TLL2: variants seen among roughly 807,000 people sequenced by gnomAD.
The protein encoded by TLL2 is tolloid-like protein 2.
In TLL2, 106 loss-of-function variants were observed where a neutral mutation model predicts 123.0. The ratio of observed to expected loss-of-function variants is 0.86; its 90% confidence interval spans 0.74 to 1.01. The LOEUF (loss-of-function observed/expected upper bound fraction) is 1.01, where lower values mean the gene tolerates loss of function less well. TLL2 is among the 50% of genes least tolerant of loss of function. The probability of loss-of-function intolerance (pLI) is 0.00; values close to 1 mark genes in which losing one functional copy is unlikely to be tolerated. For synonymous variants in TLL2, 494 were observed against 516.8 expected, an observed-to-expected ratio of 0.96 and a Z score of 0.60; for missense variants, 1,332 against 1,336.7, an observed-to-expected ratio of 1.00 and a Z score of 0.06.
intron 13 of TLL2, among the ~76,000 whole-genome samples, chr10:96,393,605 T>G (rs1846309770): frequency 6.6e-6 from 1 of 152,224 alleles, no homozygotes; most frequent in Non-Finnish European, 1.5e-5. Flanking sequence ...ATGTGCAGGC[T>G]GGGCCAGGGT....
chr10:96,390,074 G>C (rs1250816148), intron 13 of TLL2, among the ~76,000 whole-genome samples: 1 of 152,282 alleles, frequency 6.6e-6, no homozygotes, highest in Non-Finnish European at 1.5e-5. Context: ...AAATCTGGGA[G>C]AGCGTGGCAG....
chr10:96,371,275 T>G (rs1846081335), intron 19 of TLL2, among the ~76,000 whole-genome samples: 1 of 151,138 alleles, frequency 6.6e-6, no homozygotes, highest in African/African-American at 2.4e-5. Flanking sequence ...GAACTGAGAT[T>G]GTGCCACGGC....
In TLL2 at chr10:96,373,769, GC is replaced by G; in HGVS notation, c.2488del (p.Ala830ProfsTer64). ...EFEIEQHQECAYDHLEMYDGP... is the reference protein window; with the variant it reads ...EFEIEQHQECXYDHLEMYDGP... ...GTCATACATTTCCAGGTGGTCATAG[GC>G]ACATTCCTGGTGCTGCTCGATCTCA... On this transcript the variant is annotated frameshift_variant, in exon 19 of 21. Coordinates refer to ENST00000357947, the MANE Select transcript of TLL2 (RefSeq NM_012465.4). LOFTEE classifies it high-confidence loss of function. 6.2e-7 allele frequency: 1 copy of G among 1,614,210 alleles called. No individual in the cohort carries two copies.
chr10:96,451,367 C>T (rs1172522088), intron 2 of TLL2, among the ~76,000 whole-genome samples: 1 of 152,146 alleles, frequency 6.6e-6, no homozygotes, highest in African/African-American at 2.4e-5. Flanking sequence ...CGCCCCTCCA[C>T]CATAATTAAT....
At chr10:96,457,916 G>T (rs147232421) in intron 2 of TLL2, among the ~76,000 whole-genome samples, 31 of 152,326 alleles carry the variant, frequency 2.0e-4, no homozygotes, top group African/African-American at 6.5e-4. Flanking sequence ...CATCGGCAAT[G>T]ATCTCATTTA....
intron 10 of TLL2, among the ~76,000 whole-genome samples, chr10:96,399,325 T>C (rs1003713155): frequency 1.3e-5 from 2 of 152,204 alleles, no homozygotes; most frequent in Non-Finnish European, 2.9e-5. Flanking sequence ...ACGGGTACTC[T>C]TACTGCCAGT....
chr10:96,489,454 G>A (rs1350859254), intron 1 of TLL2, among the ~76,000 whole-genome samples: 2 of 151,960 alleles, frequency 1.3e-5, no homozygotes, highest in Middle Eastern at 3.4e-3. Flanking sequence ...ACTTGAATCC[G>A]GGAGGTTGAG....
intron 1 of TLL2, among the ~76,000 whole-genome samples, chr10:96,508,710 A>G (rs1472607431): frequency 1.3e-5 from 2 of 151,796 alleles, no homozygotes; most frequent in Non-Finnish European, 1.5e-5. Flanking sequence ...CCTCTGCCAC[A>G]TGTCTCCCCA....
chr10:96,421,054 C>A lies in TLL2; in HGVS notation c.825G>T (p.Glu275Asp). 2 of 1,613,792 alleles carry A rather than the reference C, an allele frequency of 1.2e-6. No homozygotes were observed. The highest frequency in any genetic ancestry group is 8.5e-7 in the Non-Finnish European group (1 of 1,179,722). ...IIRENIQPGQ[E>D]YNFLKMEAGE... The stretch of plus-strand genomic sequence containing the variant: ...CAGCTTCCATTTTTAAGAAATTATA[C>A]TCCTGACCTGTGACACAACACTGTG... Residue 275 changes from glutamate to aspartate, a missense_variant, in exon 7 of 21, where the codon GAG becomes GAT. Physicochemically the swap from Glu to Asp is conservative, Grantham distance 45 (BLOSUM62 2). Coordinates refer to ENST00000357947, the MANE Select transcript of TLL2 (RefSeq NM_012465.4).
intron 12 of TLL2, 35 bp downstream of exon 12, chr10:96,395,840 C>T (rs750560086): frequency 1.2e-5 from 19 of 1,606,632 alleles, no homozygotes; most frequent in East Asian, 1.1e-4. Flanking sequence ...CAAAAGTTGC[C>T]GTTTCCTTGG....
chr10:96,388,387 C>G (rs1846257292), intron 13 of TLL2, among the ~76,000 whole-genome samples: 1 of 152,122 alleles, frequency 6.6e-6, no homozygotes, highest in South Asian at 2.1e-4. Context: ...GGCAACGGAG[C>G]AAGACTCTGT....
intron 3 of TLL2, among the ~76,000 whole-genome samples, chr10:96,436,311 T>G (rs996789388): frequency 8.5e-5 from 13 of 152,366 alleles, no homozygotes; most frequent in African/African-American, 2.9e-4. Context: ...CTTTGATATT[T>G]AGGCCTTCCT....
At chr10:96,451,647 AAATGCC>A (rs1266348824) in intron 2 of TLL2, among the ~76,000 whole-genome samples, 1 of 152,204 alleles carries the variant, frequency 6.6e-6, no homozygotes, top group Non-Finnish European at 1.5e-5. Flanking sequence ...ATTTAACTTT[AAATGCC>A]AATTGTTTGC....
At chr10:96,461,426 C>A (rs549011760) in intron 2 of TLL2, among the ~76,000 whole-genome samples, 2 of 152,112 alleles carry the variant, frequency 1.3e-5, no homozygotes, top group African/African-American at 4.8e-5. Flanking sequence ...CATGGAGGTG[C>A]GGATGAGGGC....
Position 96,373,587 on chromosome 10 carries a change from C to T in TLL2, c.2662+9G>A. On this transcript the variant is annotated intron_variant, in intron 19 of 20. Coordinates refer to ENST00000357947, the MANE Select transcript of TLL2 (RefSeq NM_012465.4). The stretch of plus-strand genomic sequence containing the variant: ...CATCAGGTGGAAGCCAGTGTCCCAC[C>T]CCAGGTACCTGTGCTGTGCACTGCC... 6.2e-7 allele frequency: 1 copy of T among 1,613,068 alleles called. No homozygotes were observed. Among genetic ancestry groups the T allele is most frequent in the South Asian group, 1.1e-5 (1 of 90,996 alleles).
intron 1 of TLL2, among the ~76,000 whole-genome samples, chr10:96,507,972 A>T (rs1847593150): frequency 2.0e-5 from 3 of 152,266 alleles, no homozygotes; most frequent in Admixed American, 2.0e-4. Context: ...ATAACAAGTT[A>T]GAATGGAAAT....
At chr10:96,449,716 C>T (rs1239821107) in intron 2 of TLL2, among the ~76,000 whole-genome samples, 1 of 152,190 alleles carries the variant, frequency 6.6e-6, no homozygotes, top group Non-Finnish European at 1.5e-5. Context: ...TACCTCAAGC[C>T]TCCTCTCCTA....
chr10:96,418,902 G>A (rs746377741), intron 7 of TLL2, among the ~76,000 whole-genome samples: 2 of 151,304 alleles, frequency 1.3e-5, no homozygotes, highest in African/African-American at 2.4e-5. Context: ...GAAGAGTTAT[G>A]GCAGCTACAG....
chr10:96,460,181 T>A (rs1438719734), intron 2 of TLL2, among the ~76,000 whole-genome samples: 3 of 152,364 alleles, frequency 2.0e-5, no homozygotes, highest in Admixed American at 6.5e-5. Flanking sequence ...AATAAATGAT[T>A]ACTATCCATA....
Sources: allele counts gnomAD v4.1 joint callset (sites outside exome capture counted in the v4.1 genomes callset), GRCh38; gene constraint gnomAD v4.1.1; transcripts MANE v1.5; gene names NCBI Gene and HGNC (gene_info 2026-07-23, HGNC 2026-07-21).